The following SPTBN2 variants were observed in gnomAD, a reference collection of about 807,000 sequenced individuals.
SPTBN2 encodes the protein spectrin beta chain, non-erythrocytic 2.
Under a neutral mutation model 284.2 loss-of-function variants are expected in SPTBN2, and 107 were observed. That is an observed-to-expected ratio of 0.38 (90% CI 0.32 to 0.44). The LOEUF is 0.44. Among genes scored for constraint, SPTBN2 ranks in the 20% least tolerant of loss-of-function variants. The pLI, the probability that SPTBN2 is intolerant of heterozygous loss-of-function variation, is 1.00. For synonymous variants in SPTBN2, 1,289 were observed against 1,354.8 expected (o/e 0.95, Z 1.07); for missense variants, 2,569 against 3,287.1 (o/e 0.78, Z 5.34).
chr11:66,699,721 G>A, intron 17 of SPTBN2, 113 bp from the exon 18 acceptor site: 1 of 1,100,120 alleles, frequency 9.1e-7, no homozygotes, highest in Non-Finnish European at 1.4e-6. Context: ...AGACAGGGAG[G>A]GTAGCCCAGA....
At position 66,705,816 on chromosome 11, in the gene SPTBN2, G is replaced by C. The variant is rs749133486; in HGVS notation, c.1675C>G (p.Leu559Val). Reference protein sequence around the residue: ...EMKGRLQSQDLGRHLAGVEDL... With the variant: ...EMKGRLQSQDVGRHLAGVEDL... ...TCCACTCCTGCTAGGTGCCTGCCCAGGTCCTGAGACTGCAGCCGGCCCTGC... is the reference window on the plus strand; with the variant it reads ...TCCACTCCTGCTAGGTGCCTGCCCACGTCCTGAGACTGCAGCCGGCCCTGC... Residue 559 changes from leucine to valine, a missense_variant, in exon 14 of 38, where the codon CTG (leucine) becomes GTG (valine). By Grantham distance (32) the Leu-to-Val change is conservative (BLOSUM62 1). Coordinates refer to ENST00000533211, the MANE Select transcript of SPTBN2 (RefSeq NM_006946.4). The C allele has an allele frequency of 3.7e-6, 6 of 1,612,272 alleles. No homozygotes were observed. The highest frequency in any genetic ancestry group is 4.5e-5 in the East Asian group (2 of 44,876).
In SPTBN2 at chr11:66,705,846, C is replaced by T. The variant is rs1347866659; in HGVS notation, c.1654-9G>A. 6.2e-7 allele frequency: 1 copy of T among 1,611,922 alleles called. No individual in the cohort carries two copies. Among genetic ancestry groups the T allele is most frequent in the Non-Finnish European group, 8.5e-7 (1 of 1,179,708 alleles). ...TGAGACTGCAGCCGGCCCTGCCAGG[C>T]ACACATGAAGTGCACATGCCCGCCT... is the stretch of plus-strand genomic sequence containing the variant. On this transcript the variant is annotated splice_polypyrimidine_tract_variant and intron_variant, in intron 13 of 37. Transcript: ENST00000533211.
At chr11:66,730,875 T>G (rs1016085883), upstream of SPTBN2, among the ~76,000 whole-genome samples, 1 of 152,216 alleles carries the variant, frequency 6.6e-6, no homozygotes, top group Non-Finnish European at 1.5e-5. Context: ...ATGTACAAGT[T>G]CACAGAATTA....
chr11:66,693,890 G>A lies in SPTBN2; in HGVS notation c.4504-29C>T. 1 of 1,604,586 alleles carries A rather than the reference G, an allele frequency of 6.2e-7. No individual in the cohort carries two copies. The highest frequency in any genetic ancestry group is 1.1e-5 in the South Asian group (1 of 90,366). On this transcript the variant is annotated intron_variant, in intron 22 of 37. Coordinates refer to ENST00000533211, the MANE Select transcript of SPTBN2 (RefSeq NM_006946.4). The surrounding 1 kb of genome is among the most constrained non-coding windows in gnomAD (Gnocchi z 5.7). The stretch of plus-strand genomic sequence containing the variant: ...GAAGAGGAAGAGGGGGTCAGTGGAG[G>A]CCCAGAGGGCAAGGCAAGCAGCAGG...
At position 66,699,617 on chromosome 11, in the gene SPTBN2, G is replaced by A; in HGVS notation, c.3574-9C>T. The A allele has an allele frequency of 1.2e-6, 2 of 1,613,814 alleles. No individual in the cohort carries two copies. The highest frequency in any genetic ancestry group is 1.7e-6 in the Non-Finnish European group (2 of 1,179,958). On this transcript the variant is annotated splice_polypyrimidine_tract_variant and intron_variant, in intron 17 of 37. Transcript: ENST00000533211. ...TGAGACAGAACATATTCCTGTGTGG[G>A]AGGGATGACATTCAGCTCATTTTCC...
At chr11:66,694,964 G>C (rs1940826258) in intron 21 of SPTBN2, among the ~76,000 whole-genome samples, 1 of 152,194 alleles carries the variant, frequency 6.6e-6, no homozygotes, top group Non-Finnish European at 1.5e-5. Context: ...TTACTCTCTG[G>C]CAAGTTTTGC....
chr11:66,736,853 G>A (rs781671432), intron 1 of SPTBN2, among the ~76,000 whole-genome samples: 1 of 152,192 alleles, frequency 6.6e-6, no homozygotes, highest in Non-Finnish European at 1.5e-5. Flanking sequence ...CTTGTGCTGT[G>A]GCGCACAGCT....
In SPTBN2 at chr11:66,686,890, C is replaced by T; in HGVS notation, c.6896+104G>A. The T allele has an allele frequency of 3.3e-6, 5 of 1,518,244 alleles. No homozygotes were observed. The East Asian group carries it at 1.1e-4, about 34-fold the overall frequency. The allele number at this position is 1,518,244 out of a possible 1,614,324, so 94.0% of individuals were successfully genotyped here. On this transcript the variant is annotated intron_variant, in intron 36 of 37. Transcript: ENST00000533211. ...AAGTGGCTGGCCTGGTTACTCCACTCAGGCTCCTTACAGGAACTCCCCTCC... is the reference window on the plus strand; with the variant it reads ...AAGTGGCTGGCCTGGTTACTCCACTTAGGCTCCTTACAGGAACTCCCCTCC...
chr11:66,695,485 C>G (rs1025297763), intron 21 of SPTBN2, among the ~76,000 whole-genome samples: 1 of 152,100 alleles, frequency 6.6e-6, no homozygotes, highest in African/African-American at 2.4e-5. Context: ...TCTCAAAACT[C>G]CTGGACTCAA....
exon 1 of SPTBN2, chr11:66,744,650 T>G (rs1217266530): frequency 5.2e-6 from 2 of 388,158 alleles, no homozygotes; most frequent in Non-Finnish European, 7.6e-6. Context: ...CCGGCGGCGG[T>G]TCGCGGTCTC....
At chr11:66,719,435 G>A (rs960748318) in intron 3 of SPTBN2, among the ~76,000 whole-genome samples, 1 of 152,250 alleles carries the variant, frequency 6.6e-6, no homozygotes, top group Non-Finnish European at 1.5e-5. Flanking sequence ...CATTCATTCA[G>A]TGTTTATTTG....
At chr11:66,728,258 G>C (rs1339328171) in intron 1 of SPTBN2, 1 of 145,726 alleles carries the variant, frequency 6.9e-6, no homozygotes, top group Non-Finnish European at 1.5e-5. Context: ...GGCGGTTGCA[G>C]GCAGCGGCCG....
Position 66,691,400 on chromosome 11 carries a change from C to G in SPTBN2, c.5449G>C (p.Val1817Leu). Reference sequence around the variant, plus strand: ...GGAAGCTGCTGCTGCTTGTGCTGCACCCGCGCCAGGGCTTGGCGTGCCCCG... The same window carrying G: ...GGAAGCTGCTGCTGCTTGTGCTGCAGCCGCGCCAGGGCTTGGCGTGCCCCG... ...LHGARQALAR[V>L]QHKQQQLPDG... is the part of the protein sequence containing the mutation. The change falls in exon 27 of 38, where the codon GTG (valine) becomes CTG (leucine). Residue 1817 changes from valine (V) to leucine (L), a missense_variant. Around this residue, in one of 6 missense-constraint regions of SPTBN2, gnomAD observed 1,130 missense variants for 1,317.3 expected, o/e 0.86. Coordinates refer to ENST00000533211, the MANE Select transcript of SPTBN2 (RefSeq NM_006946.4). This position sits in a 1 kb window ranked among gnomAD's most constrained non-coding sequence, Gnocchi z 8.0. 6.2e-7 allele frequency: 1 copy of G among 1,609,288 alleles called. No homozygotes were observed.
chr11:66,724,215 G>A (rs1459951330), intron 1 of SPTBN2, among the ~76,000 whole-genome samples: 2 of 152,234 alleles, frequency 1.3e-5, no homozygotes, highest in Non-Finnish European at 2.9e-5. Flanking sequence ...GAGGTCAGGA[G>A]TTCGACAGCA....
chr11:66,688,062 G>C lies in SPTBN2; in HGVS notation c.6392C>G (p.Pro2131Arg). The change falls in exon 33 of 38, where the codon CCA becomes CGA. Residue 2131 changes from proline (P) to arginine (R), a missense_variant. Transcript: ENST00000533211. ...AACACTGGGTGCTTGTGTGGATGGT[G>C]GTGGCCGTGGCTGGGTTCTGGGATG... is the stretch of plus-strand genomic sequence containing the variant. ...TTWDGTQPRP[P>R]PSTQAPSVNG... 1.2e-6 allele frequency: 2 copies of C among 1,614,136 alleles called. No homozygotes were observed. The highest frequency in any genetic ancestry group is 2.2e-5 in the South Asian group (2 of 91,084).
chr11:66,738,509 A>C (rs1942871360), intron 1 of SPTBN2, among the ~76,000 whole-genome samples: 1 of 152,208 alleles, frequency 6.6e-6, no homozygotes, highest in East Asian at 1.9e-4. Context: ...AATTGACTTT[A>C]TTATTTTTAA....
intron 1 of SPTBN2, 185 bp downstream of exon 1, chr11:66,728,556 C>A (rs1942724868): frequency 6.6e-6 from 1 of 151,432 alleles, no homozygotes; most frequent in East Asian, 2.0e-4. Context: ...TGCTCCCCGC[C>A]GCTCCCCGCC....
Position 66,718,629 on chromosome 11 carries a change from C to A in SPTBN2, c.157+2455G>T, listed in dbSNP as rs1942250987. On this transcript the variant is annotated intron_variant, in intron 3 of 37. Transcript: ENST00000533211. The surrounding 1 kb of genome is among the most constrained non-coding windows in gnomAD (Gnocchi z 4.8). ...ACTCCGTTCCCATTCATGCTGCCAG[C>A]TGCTAGTTACAGAGCCCAGGGCCCA... Among the ~76,000 whole-genome samples the A allele has an allele frequency of 6.6e-6, 1 of 152,250 alleles. No individual in the cohort carries two copies. The highest frequency in any genetic ancestry group is 2.4e-5 in the African/African-American group (1 of 41,474).
rs1941459226 is a variant in SPTBN2 at position 66,705,075 on chromosome 11, G to A, written c.2201C>T (p.Ala734Val). ...ELQAQWERLE[A>V]LAEERAQRLA... Reference sequence around the variant, plus strand: ...CCGCTGGGCACGCTCCTCGGCCAGGGCCTCTAGCCGCTCCCACTGGGCTTG... The same window carrying A: ...CCGCTGGGCACGCTCCTCGGCCAGGACCTCTAGCCGCTCCCACTGGGCTTG... The change falls in exon 15 of 38, where the codon GCC becomes GTC. Residue 734 changes from alanine (A) to valine (V), a missense_variant. Coordinates refer to ENST00000533211, the MANE Select transcript of SPTBN2 (RefSeq NM_006946.4). 6.3e-7 allele frequency: 1 copy of A among 1,579,904 alleles called. No homozygotes were observed. Among genetic ancestry groups the A allele is most frequent in the Non-Finnish European group, 8.5e-7 (1 of 1,170,534 alleles).
Sources: allele counts gnomAD v4.1 joint callset (sites outside exome capture counted in the v4.1 genomes callset), GRCh38; gene constraint gnomAD v4.1.1; regional missense constraint gnomAD v4.1.1; non-coding constraint Gnocchi (gnomAD v3.1); transcripts MANE v1.5; gene names NCBI Gene and HGNC (gene_info 2026-07-23, HGNC 2026-07-21).